Variants in IFNAR2 observed in about 807,000 individuals in gnomAD.
IFNAR2 encodes the protein interferon alpha and beta receptor subunit 2.
Under a neutral mutation model 49.4 loss-of-function variants are expected in IFNAR2, and 30 were observed. The observed-to-expected ratio is 0.61, with a 90% CI of 0.45 to 0.82. The LOEUF (loss-of-function observed/expected upper bound fraction) is 0.82, where lower values mean the gene tolerates loss of function less well. IFNAR2 is among the 40% of genes least tolerant of loss of function. IFNAR2 has a pLI of 0.00. For missense variants in IFNAR2, 600 were observed against 622.7 expected, an observed-to-expected ratio of 0.96 and a Z score of 0.39; for synonymous variants, 224 against 234.5, an observed-to-expected ratio of 0.96 and a Z score of 0.41.
chr21:33,252,930 C>G, intron 7 of IFNAR2, 100 bp downstream of exon 7: 1 of 983,388 alleles, frequency 1.0e-6, no homozygotes. Context: ...TCATGGAGCA[C>G]TAAAGGTCTT....
At position 33,263,009 on chromosome 21, in the gene IFNAR2, A is replaced by G. The variant is rs1156249093; in HGVS notation, c.1057A>G (p.Thr353Ala). The change falls in exon 9 of 9, where the codon ACC becomes GCC. Residue 353 changes from threonine to alanine, a missense_variant. Coordinates refer to ENST00000342136, the MANE Select transcript of IFNAR2 (RefSeq NM_001289125.3). ...CAGGCCTCTGGGTCAGGCCTCTGCC[A>G]CCTCTACAGAATCCCAGTTGATAGA... ...TVRPLGQASA[T>A]STESQLIDPE... The G allele has an allele frequency of 2.5e-6, 4 of 1,614,020 alleles. No homozygotes were observed. Among genetic ancestry groups the G allele is most frequent in the Non-Finnish European group, 2.5e-6 (3 of 1,180,006 alleles).
At chr21:33,233,161 G>T (rs747167169) in intron 1 of IFNAR2, 1 of 152,920 alleles carries the variant, frequency 6.5e-6, no homozygotes, top group Non-Finnish European at 1.5e-5. Context: ...CATAGTGACA[G>T]AATAAATAAG....
At chr21:33,258,865 C>G (rs1170737538) in intron 7 of IFNAR2, among the ~76,000 whole-genome samples, 1 of 152,262 alleles carries the variant, frequency 6.6e-6, no homozygotes, top group East Asian at 1.9e-4. Flanking sequence ...TCTCCGTGAT[C>G]TGACGTGGGA....
intron 7 of IFNAR2, among the ~76,000 whole-genome samples, chr21:33,253,902 A>G (rs564883448): frequency 1.3e-5 from 2 of 152,252 alleles, no homozygotes; most frequent in South Asian, 2.1e-4. Context: ...GTCTTTACCA[A>G]CGGTATCTTG....
Position 33,252,382 on chromosome 21 carries a change from T to C in IFNAR2, c.541-280T>C, listed in dbSNP as rs867342051. 1.5e-5 allele frequency: 16 copies of C among 1,091,990 alleles called. No individual in the cohort carries two copies. In the Middle Eastern group the frequency reaches 1.2e-3, roughly 85 times the overall value. 67.6% of individuals were successfully genotyped at this position (1,091,990 alleles called of 1,614,324 possible). A position where few individuals can be genotyped will look rare whatever the true frequency, so the allele number is the denominator to read the frequency against. ...TGTAAAAATGACGTCACAGAGACTT[T>C]TATTCCTCTTTGAAGACTTTTATCT... On this transcript the variant is annotated intron_variant, in intron 6 of 8. Coordinates refer to ENST00000342136, the MANE Select transcript of IFNAR2 (RefSeq NM_001289125.3).
intron 1 of IFNAR2, among the ~76,000 whole-genome samples, chr21:33,231,505 G>A (rs1015347890): frequency 1.3e-5 from 2 of 152,058 alleles, no homozygotes; most frequent in African/African-American, 4.8e-5. Flanking sequence ...TTTGACAATG[G>A]TGATTTGTCT....
At chr21:33,234,199 G>GTT (rs1213123042) in intron 1 of IFNAR2, among the ~76,000 whole-genome samples, 4 of 151,256 alleles carry the variant, frequency 2.6e-5, no homozygotes, top group Non-Finnish European at 5.9e-5. Flanking sequence ...GTGTGTGTGT[G>GTT]TGTGTGTGTG....
chr21:33,230,304 A>G lies in IFNAR2; in HGVS notation c.-84+88A>G, dbSNP rs1985944164. 1.3e-5 allele frequency: 14 copies of G among 1,060,594 alleles called. No homozygotes were observed. In the South Asian group the frequency reaches 2.5e-4, roughly 19 times the overall value. 65.7% of individuals were successfully genotyped at this position (1,060,594 alleles called of 1,614,324 possible). A position where few individuals can be genotyped will look rare whatever the true frequency, so the allele number is the denominator to read the frequency against. On this transcript the variant is annotated intron_variant, in intron 1 of 8. Transcript: ENST00000342136. The surrounding 1 kb of genome is among the most constrained non-coding windows in gnomAD (Gnocchi z 5.5). ...CCGCCTCCCTGCAGCGGTTCCCGGA[A>G]TCCCCTCCGGTTCCCTCTCGCTCTC...
intron 7 of IFNAR2, among the ~76,000 whole-genome samples, chr21:33,254,159 CCCT>C (rs1988054392): frequency 6.6e-6 from 1 of 152,194 alleles, no homozygotes; most frequent in Non-Finnish European, 1.5e-5. Context: ...CTGAATGGAT[CCCT>C]CCTCTCAGCC....
At chr21:33,261,631 T>C (rs2123534684) in intron 8 of IFNAR2, among the ~76,000 whole-genome samples, 1 of 152,244 alleles carries the variant, frequency 6.6e-6, no homozygotes, top group East Asian at 1.9e-4. Context: ...TCTCAGCACT[T>C]TGGGAGGCTG....
intron 5 of IFNAR2, among the ~76,000 whole-genome samples, chr21:33,248,361 G>C (rs1163840818): frequency 9.4e-6 from 1 of 106,896 alleles, no homozygotes; most frequent in Non-Finnish European, 1.7e-5. Flanking sequence ...AAGAAAGAGA[G>C]AAAGAAAGAA....
chr21:33,233,907 C>T (rs2123442001), intron 1 of IFNAR2, among the ~76,000 whole-genome samples: 1 of 148,426 alleles, frequency 6.7e-6, no homozygotes, highest in South Asian at 2.1e-4. Flanking sequence ...AAATATACAG[C>T]CAAAAAAAAA....
intron 7 of IFNAR2, among the ~76,000 whole-genome samples, chr21:33,258,581 A>G (rs1008550518): frequency 6.6e-6 from 1 of 152,124 alleles, no homozygotes; most frequent in Non-Finnish European, 1.5e-5. Flanking sequence ...TATGACACTA[A>G]CTTTGCATCA....
At chr21:33,235,565 C>G (rs17860142) in intron 1 of IFNAR2, among the ~76,000 whole-genome samples, 42,688 of 151,930 alleles carry the variant, frequency 0.28, 6,761 homozygotes, top group East Asian at 0.58. Context: ...AAATATAAAG[C>G]CTTTTCTTCC....
rs1988748335 is a variant in IFNAR2 at position 33,263,047 on chromosome 21, G to A, written c.1095G>A (p.Glu365=). Residue 365 remains glutamate (E), a synonymous_variant, in exon 9 of 9, where the codon GAG becomes GAA. Transcript: ENST00000342136. ...CCCAGTTGATAGACCCGGAGTCCGAGGAGGAGCCTGACCTGCCTGAGGTTG... is the reference window on the plus strand; with the variant it reads ...CCCAGTTGATAGACCCGGAGTCCGAAGAGGAGCCTGACCTGCCTGAGGTTG... ...TESQLIDPES[E]EEPDLPEVDV... 6.2e-7 allele frequency: 1 copy of A among 1,614,170 alleles called. No homozygotes were observed. Among genetic ancestry groups the A allele is most frequent in the Admixed American group, 1.7e-5 (1 of 60,018 alleles).
chr21:33,252,268 C>A, intron 6 of IFNAR2: 1 of 452,080 alleles, frequency 2.2e-6, no homozygotes, highest in Non-Finnish European at 4.4e-6. Flanking sequence ...ATTTTGCAGA[C>A]TGTTTTGAAA....
chr21:33,257,558 C>T (rs138745712), intron 7 of IFNAR2, among the ~76,000 whole-genome samples: 1 of 148,236 alleles, frequency 6.7e-6, no homozygotes, highest in Non-Finnish European at 1.5e-5. Flanking sequence ...TTTTACAGAG[C>T]GCTGATTGGT....
chr21:33,251,482 TC>T (rs1214666809), intron 6 of IFNAR2: 10 of 889,238 alleles, frequency 1.1e-5, no homozygotes, highest in Non-Finnish European at 1.3e-5. Flanking sequence ...AGCTCATTCT[TC>T]CAAGGAATTT....
chr21:33,252,892 T>A, intron 7 of IFNAR2, 62 bp downstream of exon 7: 1 of 1,292,776 alleles, frequency 7.7e-7, no homozygotes, highest in Non-Finnish European at 1.1e-6. Flanking sequence ...AGGGCAAGCC[T>A]ATTTAAAGAA....
Sources: allele counts gnomAD v4.1 joint callset (sites outside exome capture counted in the v4.1 genomes callset), GRCh38; gene constraint gnomAD v4.1.1; non-coding constraint Gnocchi (gnomAD v3.1); transcripts MANE v1.5; gene names NCBI Gene and HGNC (gene_info 2026-07-23, HGNC 2026-07-21).